The following VPS13B variants were observed in gnomAD, a reference collection of about 807,000 sequenced individuals.
VPS13B encodes the protein intermembrane lipid transfer protein VPS13B.
Under a neutral mutation model 426.4 loss-of-function variants are expected in VPS13B, and 285 were observed. The ratio of observed to expected loss-of-function variants is 0.67; its 90% CI spans 0.61 to 0.74. The LOEUF is 0.74. VPS13B is among the 30% of genes least tolerant of loss of function. VPS13B has a pLI of 0.00. For synonymous variants in VPS13B, 1,676 were observed against 1,676.4 expected, an observed-to-expected ratio of 1.00 and a Z score of 0.01; for missense variants, 4,537 against 4,782.6, an observed-to-expected ratio of 0.95 and a Z score of 1.51.
intron 19 of VPS13B, among the ~76,000 whole-genome samples, chr8:99,276,874 A>G (rs996138356): frequency 2.0e-5 from 3 of 152,152 alleles, no homozygotes; most frequent in Non-Finnish European, 2.9e-5. Flanking sequence ...TAATCTTTCT[A>G]GAATCTTGCC....
intron 31 of VPS13B, among the ~76,000 whole-genome samples, chr8:99,564,212 G>A (rs967170159): frequency 6.6e-6 from 1 of 152,170 alleles, no homozygotes; most frequent in East Asian, 1.9e-4. Context: ...ATATATCATG[G>A]TTTAATTAAG....
At chr8:99,402,188 G>A (rs889222174) in intron 21 of VPS13B, among the ~76,000 whole-genome samples, 1 of 152,156 alleles carries the variant, frequency 6.6e-6, no homozygotes, top group African/African-American at 2.4e-5. Context: ...TGAGTTACAT[G>A]AAGCAGATTT....
chr8:99,551,852 T>C (rs1824300785), intron 30 of VPS13B, among the ~76,000 whole-genome samples: 1 of 152,048 alleles, frequency 6.6e-6, no homozygotes, highest in African/African-American at 2.4e-5. Flanking sequence ...TATTTACCAA[T>C]GTCTTCCTTA....
chr8:99,034,856 C>T (rs1285400966), intron 2 of VPS13B, among the ~76,000 whole-genome samples: 4 of 151,964 alleles, frequency 2.6e-5, no homozygotes, highest in East Asian at 1.9e-4. Flanking sequence ...GTCGCATGCG[C>T]GCGCGTGTGT....
intron 19 of VPS13B, among the ~76,000 whole-genome samples, chr8:99,309,726 T>C (rs1295715429): frequency 2.0e-5 from 3 of 152,148 alleles, no homozygotes; most frequent in African/African-American, 7.2e-5. Flanking sequence ...GAGAAAGTCA[T>C]CCGTAGCTTG....
chr8:99,833,474 AT>A (rs954091203), intron 52 of VPS13B, among the ~76,000 whole-genome samples: 30 of 152,280 alleles, frequency 2.0e-4, no homozygotes, highest in Non-Finnish European at 1.6e-4. Flanking sequence ...GACAAGAGAG[AT>A]TTTTTTAATA....
intron 58 of VPS13B, 168 bp from the exon 59 acceptor site, chr8:99,868,121 A>G (rs893277557): frequency 5.3e-6 from 4 of 748,784 alleles, no homozygotes; most frequent in African/African-American, 3.5e-5. Flanking sequence ...ATAAATGTCT[A>G]CTGCCCTTGG....
chr8:99,641,400 C>A (rs559704098), intron 33 of VPS13B, among the ~76,000 whole-genome samples: 1 of 152,038 alleles, frequency 6.6e-6, no homozygotes, highest in Non-Finnish European at 1.5e-5. Flanking sequence ...ACTACTTCTA[C>A]GTAAAATGTA....
chr8:99,311,117 C>T (rs1820945400), intron 19 of VPS13B, among the ~76,000 whole-genome samples: 1 of 152,098 alleles, frequency 6.6e-6, no homozygotes. Context: ...TTTCAAAAAA[C>T]CAGGTCCTGG....
Position 99,579,588 on chromosome 8 carries a change from C to T in VPS13B, c.5220+1955C>T, listed in dbSNP as rs151053510. On this transcript the variant is annotated intron_variant, in intron 33 of 61. Coordinates refer to ENST00000357162, the MANE Select transcript of VPS13B (RefSeq NM_152564.5). ...AATTTTTTTGTATTTTTAGTAGAGA[C>T]GGGGTTTCACCATGTTGGCCAGGCT... is the stretch of plus-strand genomic sequence containing the variant. Among the ~76,000 whole-genome samples, 220 of 151,422 alleles carry T rather than the reference C, an allele frequency of 1.5e-3. 4 individuals are homozygous for T. In the East Asian group the frequency reaches 0.024, roughly 16 times the overall value.
At chr8:99,239,248 A>G (rs1346134159) in intron 17 of VPS13B, among the ~76,000 whole-genome samples, 1 of 152,226 alleles carries the variant, frequency 6.6e-6, no homozygotes, top group Non-Finnish European at 1.5e-5. Flanking sequence ...GGTTCTTCTC[A>G]ACAGGTTATA....
At chr8:99,351,844 T>A (rs771141959) in intron 19 of VPS13B, among the ~76,000 whole-genome samples, 7 of 152,170 alleles carry the variant, frequency 4.6e-5, no homozygotes, top group Non-Finnish European at 7.3e-5. Context: ...AGGATGGAGA[T>A]GTTTTGCTGT....
chr8:99,391,492 C>T (rs752364688), intron 20 of VPS13B, 65 bp from the exon 21 acceptor site: 9 of 1,611,570 alleles, frequency 5.6e-6, no homozygotes, highest in Admixed American at 1.7e-5. Flanking sequence ...CATGTTTAAC[C>T]TTTGCTGCTT....
chr8:99,753,868 G>A (rs889341682), intron 39 of VPS13B, among the ~76,000 whole-genome samples: 2 of 152,146 alleles, frequency 1.3e-5, no homozygotes, highest in African/African-American at 2.4e-5. Flanking sequence ...ATGCAATGCA[G>A]TAAGCCACAA....
chr8:99,424,427 A>G (rs1056497142), intron 21 of VPS13B: 1 of 152,188 alleles, frequency 6.6e-6, no homozygotes, highest in African/African-American at 2.4e-5. Flanking sequence ...ACTCAACTAC[A>G]TGGAAACTGA....
At chr8:99,617,656 T>G (rs1828154282) in intron 33 of VPS13B, among the ~76,000 whole-genome samples, 1 of 152,220 alleles carries the variant, frequency 6.6e-6, no homozygotes, top group Non-Finnish European at 1.5e-5. Context: ...TTGTTTGTTT[T>G]TTGTTTTAAC....
chr8:99,851,426 G>GACCTT (rs1259954866), intron 55 of VPS13B, among the ~76,000 whole-genome samples: 3 of 152,164 alleles, frequency 2.0e-5, no homozygotes, highest in Non-Finnish European at 4.4e-5. Context: ...ATGTTATGGT[G>GACCTT]CAGTAGAAGG....
chr8:99,174,478 G>A (rs993929789), intron 16 of VPS13B, among the ~76,000 whole-genome samples: 2 of 152,070 alleles, frequency 1.3e-5, no homozygotes, highest in African/African-American at 4.8e-5. Context: ...ATTATTTTCT[G>A]TTTTTTGATA....
intron 3 of VPS13B, among the ~76,000 whole-genome samples, chr8:99,071,063 A>G (rs1250778545): frequency 1.3e-5 from 2 of 152,044 alleles, no homozygotes; most frequent in African/African-American, 4.8e-5. Context: ...AAGGTCTCAT[A>G]TCTCTGTCTC....
Sources: allele counts gnomAD v4.1 joint callset (sites outside exome capture counted in the v4.1 genomes callset), GRCh38; gene constraint gnomAD v4.1.1; transcripts MANE v1.5; gene names NCBI Gene and HGNC (gene_info 2026-07-23, HGNC 2026-07-21).